GPR161: variants seen among roughly 807,000 people sequenced by gnomAD.
GPR161 encodes the protein G-protein coupled receptor RE2.
Under a neutral mutation model 39.2 loss-of-function variants are expected in GPR161, and 25 were observed. That is an observed-to-expected ratio of 0.64 (90% CI 0.47 to 0.89). The LOEUF (loss-of-function observed/expected upper bound fraction) is 0.89, where lower values mean the gene tolerates loss of function less well. Ranked by LOEUF, GPR161 falls within the 40% of genes least tolerant of loss-of-function variation. The probability of loss-of-function intolerance (pLI) is 0.00; values close to 1 mark genes in which losing one functional copy is unlikely to be tolerated. For missense variants in GPR161, 547 were observed against 677.8 expected, an observed-to-expected ratio of 0.81 and a Z score of 2.14; for synonymous variants, 286 against 276.6, an observed-to-expected ratio of 1.03 and a Z score of -0.34.
At chr1:168,135,174 T>C in intron 1 of GPR161, 1 of 1,110,286 alleles carries the variant, frequency 9.0e-7, no homozygotes, top group Non-Finnish European at 1.2e-6. Context: ...AGCCCTGAGT[T>C]AAAGAACTCA....
At chr1:168,136,255 AC>A (rs1178799645) in intron 1 of GPR161, 45 of 1,394,526 alleles carry the variant, frequency 3.2e-5, no homozygotes, top group Non-Finnish European at 4.1e-5. Context: ...AAGGCTGCTC[AC>A]CTGGTCCTCA....
At position 168,104,864 on chromosome 1, in the gene GPR161, C is replaced by T. The variant is rs367746282; in HGVS notation, c.-14G>A. 14 of 1,611,536 alleles carry T rather than the reference C, an allele frequency of 8.7e-6. No homozygotes were observed. The African/African-American group carries it at 9.3e-5, about 11-fold the overall frequency. ...GTTGAGGCTCATGGTCAGTGCACCT[C>T]GGCGTGGGGTGGGCAGAGCATGCTG... is the stretch of plus-strand genomic sequence containing the variant. On this transcript the variant is annotated 5_prime_UTR_variant, in exon 2 of 6. Coordinates refer to ENST00000682931, the MANE Select transcript of GPR161 (RefSeq NM_001375883.1).
intron 1 of GPR161, among the ~76,000 whole-genome samples, chr1:168,117,435 G>C (rs974228478): frequency 1.3e-5 from 2 of 152,146 alleles, no homozygotes; most frequent in Admixed American, 6.5e-5. Flanking sequence ...TCTGGAACTA[G>C]AAAGCCTGGG....
chr1:168,113,172 T>C (rs1697362383), intron 1 of GPR161, among the ~76,000 whole-genome samples: 1 of 152,120 alleles, frequency 6.6e-6, no homozygotes, highest in Non-Finnish European at 1.5e-5. Flanking sequence ...GGAAACAAGC[T>C]CAAGTGTGAC....
Position 168,085,393 on chromosome 1 carries a change from C to A in GPR161, c.*138G>T. On this transcript the variant is annotated 3_prime_UTR_variant, in exon 6 of 6. Coordinates refer to ENST00000682931, the MANE Select transcript of GPR161 (RefSeq NM_001375883.1). ...TTTTCAGTCCTTGTCCTGGTGGCTG[C>A]ATACCAGATGCTGCTCCTTCCCTGT... 1 of 742,386 alleles carries A rather than the reference C, an allele frequency of 1.3e-6. No homozygotes were observed. The highest frequency in any genetic ancestry group is 2.5e-5 in the Admixed American group (1 of 40,566). 46.0% of individuals were successfully genotyped at this position (742,386 alleles called of 1,614,324 possible).
intron 2 of GPR161, among the ~76,000 whole-genome samples, chr1:168,102,912 TAA>T (rs74372180): frequency 4.8e-5 from 7 of 147,020 alleles, no homozygotes; most frequent in South Asian, 2.1e-4. Context: ...AACTTTTTTT[TAA>T]AAAAAAATTA....
upstream of GPR161, chr1:168,137,310 C>A (rs1248345347): frequency 1.3e-6 from 2 of 1,531,630 alleles, no homozygotes; most frequent in Admixed American, 2.0e-5. Context: ...CTTTCAGATT[C>A]TTCCCGCAGG....
intron 1 of GPR161, among the ~76,000 whole-genome samples, chr1:168,112,246 C>T (rs770239006): frequency 5.9e-5 from 9 of 151,592 alleles, no homozygotes; most frequent in East Asian, 1.9e-4. Flanking sequence ...TTTGGGAGGC[C>T]GGGGCAGGCA....
At chr1:168,134,198 A>G (rs1049977581) in intron 1 of GPR161, among the ~76,000 whole-genome samples, 1 of 152,192 alleles carries the variant, frequency 6.6e-6, no homozygotes, top group African/African-American at 2.4e-5. Flanking sequence ...TAAAACAAAC[A>G]CAAACTAAAA....
At chr1:168,136,948 G>GGGCC, upstream of GPR161, 13 of 910,912 alleles carry the variant, frequency 1.4e-5, no homozygotes, top group Non-Finnish European at 1.7e-5. Context: ...CGGCGCCCGC[G>GGGCC]CCCCGCCCCG....
intron 1 of GPR161, among the ~76,000 whole-genome samples, chr1:168,117,948 T>C (rs1164850456): frequency 2.0e-5 from 3 of 152,058 alleles, no homozygotes; most frequent in South Asian, 2.1e-4. Flanking sequence ...AAGCATTTTA[T>C]TGACCTATGG....
intron 5 of GPR161, 56 bp from the exon 6 acceptor site, chr1:168,085,852 T>C (rs1470519981): frequency 1.3e-6 from 2 of 1,502,282 alleles, no homozygotes; most frequent in Non-Finnish European, 9.0e-7. Context: ...GGGGACTACC[T>C]TGGGGACAAG....
intron 1 of GPR161, among the ~76,000 whole-genome samples, chr1:168,131,346 C>T (rs969774244): frequency 1.3e-5 from 2 of 152,210 alleles, no homozygotes; most frequent in South Asian, 2.1e-4. Flanking sequence ...CCCTCTACCT[C>T]GACCATCCCA....
At chr1:168,086,114 T>C (rs1361714541) in intron 5 of GPR161, among the ~76,000 whole-genome samples, 1 of 152,272 alleles carries the variant, frequency 6.6e-6, no homozygotes, top group African/African-American at 2.4e-5. Flanking sequence ...GTCTGGCCCA[T>C]AGAAAAGACT....
chr1:168,088,543 GC>G (rs1558087281), intron 4 of GPR161: 2 of 152,212 alleles, frequency 1.3e-5, no homozygotes, highest in East Asian at 3.8e-4. Flanking sequence ...AAACACACAG[GC>G]TTGGGTCGGA....
intron 1 of GPR161, among the ~76,000 whole-genome samples, chr1:168,131,139 C>A (rs1335297339): frequency 1.3e-5 from 2 of 152,152 alleles, no homozygotes. Flanking sequence ...TGCCACTACC[C>A]CAGCTCAGAG....
At chr1:168,112,577 G>T (rs903647743) in intron 1 of GPR161, among the ~76,000 whole-genome samples, 17 of 151,832 alleles carry the variant, frequency 1.1e-4, no homozygotes, top group African/African-American at 4.1e-4. Flanking sequence ...TAAAATTTAG[G>T]CCTGGCGCAG....
intron 3 of GPR161, among the ~76,000 whole-genome samples, chr1:168,093,034 C>A (rs893703984): frequency 6.6e-6 from 1 of 152,118 alleles, no homozygotes; most frequent in Non-Finnish European, 1.5e-5. Context: ...AGCGGAAGGG[C>A]AGGTGGAGGG....
chr1:168,123,313 T>C (rs1251989960), intron 1 of GPR161, among the ~76,000 whole-genome samples: 1 of 151,936 alleles, frequency 6.6e-6, no homozygotes, highest in Non-Finnish European at 1.5e-5. Context: ...AAAGAATTAG[T>C]CAGGCATGGT....
Sources: gnomAD v4.1 joint callset for allele counts (sites outside exome capture counted in the v4.1 genomes callset) on GRCh38, gnomAD v4.1.1 for gene constraint, MANE v1.5 for transcripts, NCBI Gene and HGNC (gene_info 2026-07-23, HGNC 2026-07-21) for gene names.